SOX5: variants seen among roughly 807,000 people sequenced by gnomAD.
The protein encoded by SOX5 is SRY-box transcription factor 5, also known as transcription factor SOX-5.
Under a neutral mutation model 92.0 loss-of-function variants are expected in SOX5, and 9 were observed. The observed-to-expected ratio is 0.10, with a 90% CI of 0.06 to 0.17. SOX5 has a LOEUF of 0.17. Among genes scored for constraint, SOX5 ranks in the 10% least tolerant of loss-of-function variants. The probability of loss-of-function intolerance (pLI) is 1.00; values close to 1 mark genes in which losing one functional copy is unlikely to be tolerated. For synonymous variants in SOX5, 344 were observed against 336.3 expected (o/e 1.02, Z -0.25); for missense variants, 642 against 944.5 (o/e 0.68, Z 4.20).
chr12:23,686,883 G>A (rs1023203817), intron 6 of SOX5, among the ~76,000 whole-genome samples: 2 of 151,996 alleles, frequency 1.3e-5, no homozygotes, highest in African/African-American at 2.4e-5. Flanking sequence ...GTCCAGGTAC[G>A]TTTCCAATAG....
At chr12:24,185,354 CCCA>C (rs1157697504) in intron 4 of SOX5, among the ~76,000 whole-genome samples, 1 of 152,086 alleles carries the variant, frequency 6.6e-6, no homozygotes, top group Non-Finnish European at 1.5e-5. Flanking sequence ...CTCCCTCAGC[CCCA>C]CCATTCTCAG....
intron 4 of SOX5, among the ~76,000 whole-genome samples, chr12:24,091,514 C>T (rs1487209018): frequency 4.1e-5 from 6 of 146,918 alleles, no homozygotes; most frequent in Non-Finnish European, 7.4e-5. Flanking sequence ...ACTGCAACCT[C>T]TACCTCCCAG....
At chr12:24,040,806 G>A (rs981097417) in intron 4 of SOX5, among the ~76,000 whole-genome samples, 6 of 152,148 alleles carry the variant, frequency 3.9e-5, no homozygotes, top group African/African-American at 1.4e-4. Context: ...CTGGGAGGCG[G>A]AGCGTGCAGT....
At chr12:23,599,406 G>T (rs940013973) in intron 9 of SOX5, among the ~76,000 whole-genome samples, 20 of 152,216 alleles carry the variant, frequency 1.3e-4, no homozygotes, top group Non-Finnish European at 5.9e-5. Flanking sequence ...TATTCGAAAA[G>T]AACAAAAAAT....
rs535958475 is a variant in SOX5, at chr12:24,328,147, A to T, written c.-174+40416T>A. The stretch of plus-strand genomic sequence containing the variant: ...CCCACATGGTATTGGTGCCATTTAG[A>T]CTATATTATTTGTTAGCTGGCCAAT... On this transcript the variant is annotated intron_variant, in intron 2 of 4. Transcript: ENST00000446891. Among the ~76,000 whole-genome samples the T allele has an allele frequency of 3.9e-5, 6 of 152,324 alleles. No individual in the cohort carries two copies. In the East Asian group the frequency reaches 1.2e-3, roughly 29 times the overall value.
intron 4 of SOX5, chr12:24,212,427 G>A (rs1161336072): frequency 4.1e-6 from 2 of 493,754 alleles, no homozygotes; most frequent in East Asian, 1.1e-4. Context: ...ACTGGTAGTT[G>A]TTCTACAGAA....
At chr12:23,806,866 G>A (rs919820575) in intron 3 of SOX5, among the ~76,000 whole-genome samples, 8 of 152,130 alleles carry the variant, frequency 5.3e-5, no homozygotes, top group Non-Finnish European at 7.4e-5. Flanking sequence ...ATCTTTGGGC[G>A]ATAAAATGAC....
intron 2 of SOX5, among the ~76,000 whole-genome samples, chr12:23,891,705 T>C (rs1333364170): frequency 6.6e-6 from 1 of 152,156 alleles, no homozygotes; most frequent in Non-Finnish European, 1.5e-5. Context: ...TGTATTTCCT[T>C]ACAGAAATAA....
intron 4 of SOX5, among the ~76,000 whole-genome samples, chr12:24,206,633 T>C (rs2139616350): frequency 6.6e-6 from 1 of 152,036 alleles, no homozygotes; most frequent in East Asian, 1.9e-4. Context: ...TACAGCTTCG[T>C]GACTGGGAAT....
intron 8 of SOX5, among the ~76,000 whole-genome samples, chr12:23,637,497 T>C (rs1029282773): frequency 1.3e-5 from 2 of 152,144 alleles, no homozygotes; most frequent in African/African-American, 4.8e-5. Context: ...CATTACTGTC[T>C]CACACCTCTC....
chr12:23,945,070 C>T (rs545018938), intron 1 of SOX5, among the ~76,000 whole-genome samples: 10 of 152,108 alleles, frequency 6.6e-5, no homozygotes, highest in Non-Finnish European at 1.3e-4. Flanking sequence ...ACAATATACT[C>T]ATTAGGTTGC....
At chr12:24,359,592 A>T (rs1361318746) in intron 2 of SOX5, among the ~76,000 whole-genome samples, 1 of 152,184 alleles carries the variant, frequency 6.6e-6, no homozygotes, top group African/African-American at 2.4e-5. Context: ...GACTCCAAAA[A>T]CTGTACTCTT....
chr12:24,546,588 C>A (rs1952643279), intron 1 of SOX5, among the ~76,000 whole-genome samples: 1 of 152,206 alleles, frequency 6.6e-6, no homozygotes, highest in Admixed American at 6.5e-5. Context: ...CTTCTTGGAA[C>A]ACACTACCAC....
At chr12:24,092,428 A>C (rs1485514299) in intron 4 of SOX5, among the ~76,000 whole-genome samples, 1 of 152,166 alleles carries the variant, frequency 6.6e-6, no homozygotes, top group Non-Finnish European at 1.5e-5. Flanking sequence ...ATTCAGTCTC[A>C]GTAAGTGATG....
At chr12:24,177,255 C>T (rs1270061347) in intron 4 of SOX5, among the ~76,000 whole-genome samples, 6 of 152,124 alleles carry the variant, frequency 3.9e-5, no homozygotes, top group Non-Finnish European at 8.8e-5. Flanking sequence ...AGAAAACTTG[C>T]TTAAGATCCC....
At chr12:24,549,211 A>G (rs1318256402) in intron 1 of SOX5, among the ~76,000 whole-genome samples, 1 of 152,184 alleles carries the variant, frequency 6.6e-6, no homozygotes, top group East Asian at 1.9e-4. Flanking sequence ...TATGCTGTAT[A>G]ATCTTCTGTG....
intron 6 of SOX5, among the ~76,000 whole-genome samples, chr12:23,720,852 C>T (rs1464618032): frequency 2.6e-5 from 4 of 152,010 alleles, no homozygotes; most frequent in African/African-American, 4.8e-5. Flanking sequence ...ATGATGGGCT[C>T]GGCACAATTG....
Position 23,946,839 on chromosome 12 carries a change from A to C in SOX5, c.38+2725T>G, listed in dbSNP as rs997690540. On this transcript the variant is annotated intron_variant, in intron 1 of 14. Coordinates refer to ENST00000451604, the MANE Select transcript of SOX5 (RefSeq NM_006940.6). ...ATCAGTTTATCACAAGAATGCTTGA[A>C]AATAAAAATATTTCAAGTTCTTTAC... Among the ~76,000 whole-genome samples the C allele has an allele frequency of 2.0e-5, 3 of 152,010 alleles. No individual in the cohort carries two copies. In the East Asian group the frequency reaches 5.8e-4, roughly 29 times the overall value.
intron 7 of SOX5, among the ~76,000 whole-genome samples, chr12:23,662,431 C>G (rs1056035762): frequency 4.1e-4 from 62 of 152,122 alleles, no homozygotes; most frequent in African/African-American, 1.4e-3. Flanking sequence ...TTCAGATTAT[C>G]TTTTCTATCT....
Sources: allele counts gnomAD v4.1 joint callset (sites outside exome capture counted in the v4.1 genomes callset), GRCh38; gene constraint gnomAD v4.1.1; transcripts MANE v1.5; gene names NCBI Gene and HGNC (gene_info 2026-07-23, HGNC 2026-07-21).